KCNQ1: variants seen among roughly 807,000 people sequenced by gnomAD.
KCNQ1 encodes potassium voltage-gated channel subfamily Q member 1, also known as potassium voltage-gated channel subfamily KQT member 1.
Under a neutral mutation model 72.4 loss-of-function variants are expected in KCNQ1, and 49 were observed. The observed-to-expected ratio is 0.68, with a 90% CI of 0.54 to 0.86. The LOEUF is 0.86. Among genes scored for constraint, KCNQ1 ranks in the 40% least tolerant of loss-of-function variants. The pLI is 0.00. For missense variants in KCNQ1, 790 were observed against 945.1 expected (o/e 0.84, Z 2.15); for synonymous variants, 450 against 412.6 (o/e 1.09, Z -1.10).
At chr11:2,798,893 G>C (rs768799819) in intron 15 of KCNQ1, among the ~76,000 whole-genome samples, 155 of 152,320 alleles carry the variant, frequency 1.0e-3, no homozygotes, top group Non-Finnish European at 1.7e-3. Flanking sequence ...GACAGGGGAA[G>C]GGGCTGGAGG....
At position 2,703,493 on chromosome 11, in the gene KCNQ1, G is replaced by GCACGCACA. The variant is rs1422666382; in HGVS notation, c.1514+41420_1514+41427dup. The stretch of plus-strand genomic sequence containing the variant: ...TGCAAGCCTGTGCACCCGAGAGCAC[G>GCACGCACA]CACGCACACACGCACTCACAGCTGA... On this transcript the variant is annotated intron_variant, in intron 11 of 15. Transcript: ENST00000155840. The surrounding 1 kb of genome is among the most constrained non-coding windows in gnomAD (Gnocchi z 6.4). Among the ~76,000 whole-genome samples, 2 of 152,166 alleles carry GCACGCACA rather than the reference G, an allele frequency of 1.3e-5. No individual in the cohort carries two copies. Among genetic ancestry groups the GCACGCACA allele is most frequent in the African/African-American group, 2.4e-5 (1 of 41,434 alleles).
intron 1 of KCNQ1, among the ~76,000 whole-genome samples, chr11:2,521,924 C>T (rs1847389158): frequency 6.6e-6 from 1 of 152,250 alleles, no homozygotes; most frequent in African/African-American, 2.4e-5. Flanking sequence ...CTCGCGTTAG[C>T]CCCAGGCCAT....
intron 6 of KCNQ1, among the ~76,000 whole-genome samples, chr11:2,583,162 G>A (rs947000477): frequency 2.0e-5 from 3 of 152,228 alleles, no homozygotes; most frequent in Non-Finnish European, 2.9e-5. Flanking sequence ...CCAGGCCCAC[G>A]TTCCCAGCCA....
At chr11:2,814,348 T>C (rs983519044) in intron 15 of KCNQ1, among the ~76,000 whole-genome samples, 2 of 148,098 alleles carry the variant, frequency 1.4e-5, no homozygotes, top group African/African-American at 2.5e-5. Flanking sequence ...GGTGGAGAGA[T>C]GGATGAATGG....
chr11:2,699,117 G>A (rs1255369376), intron 11 of KCNQ1: 2 of 398,532 alleles, frequency 5.0e-6, no homozygotes, highest in East Asian at 3.6e-5. Context: ...TCAGAACCAC[G>A]ATGCGGATTC....
chr11:2,545,036 C>T lies in KCNQ1; in HGVS notation c.477+17018C>T, dbSNP rs541857846. Among the ~76,000 whole-genome samples the T allele has an allele frequency of 3.3e-5, 5 of 152,342 alleles. No individual in the cohort carries two copies. In the South Asian group the frequency reaches 1.0e-3, roughly 32 times the overall value. The stretch of plus-strand genomic sequence containing the variant: ...AAATTTTGTCAAATGCTCTTTGATA[C>T]ATCTTTTGATATGATCATGTGCTTT... On this transcript the variant is annotated intron_variant, in intron 2 of 15. Transcript: ENST00000155840.
chr11:2,511,622 G>C (rs190502089), intron 1 of KCNQ1, among the ~76,000 whole-genome samples: 1 of 152,182 alleles, frequency 6.6e-6, no homozygotes, highest in Non-Finnish European at 1.5e-5. Context: ...TGAGGATACC[G>C]AGACAGAAAT....
chr11:2,814,384 G>A (rs527284987), intron 15 of KCNQ1, among the ~76,000 whole-genome samples: 1 of 151,480 alleles, frequency 6.6e-6, no homozygotes, highest in Admixed American at 6.6e-5. Context: ...GATAAATGGA[G>A]GGAAGGAGAG....
chr11:2,733,334 C>T (rs1471414281), intron 11 of KCNQ1, among the ~76,000 whole-genome samples: 1 of 151,944 alleles, frequency 6.6e-6, no homozygotes, highest in East Asian at 1.9e-4. Flanking sequence ...CAGGGGCTCC[C>T]CACACTCGCC....
At chr11:2,806,114 G>T (rs1847367135) in intron 15 of KCNQ1, among the ~76,000 whole-genome samples, 1 of 152,226 alleles carries the variant, frequency 6.6e-6, no homozygotes, top group Admixed American at 6.5e-5. Context: ...AGTTTCTGGG[G>T]TGGGAGGTGG....
rs1279748776 is a variant in KCNQ1, at chr11:2,712,721, C to T, written c.1514+50640C>T. ...GACACTCCAGCCTCAGCCTTCCTTG[C>T]CATCCGCAACCACACCAGTGGCTGG... On this transcript the variant is annotated intron_variant, in intron 11 of 15. Coordinates refer to ENST00000155840, the MANE Select transcript of KCNQ1 (RefSeq NM_000218.3). The surrounding 1 kb of genome is among the most constrained non-coding windows in gnomAD (Gnocchi z 6.4). Among the ~76,000 whole-genome samples the T allele has an allele frequency of 6.6e-6, 1 of 152,220 alleles. No individual in the cohort carries two copies.
intron 11 of KCNQ1, chr11:2,694,775 C>T (rs1332934676): frequency 7.5e-6 from 3 of 398,238 alleles, no homozygotes; most frequent in Admixed American, 4.4e-5. Flanking sequence ...GTAGCCTGTG[C>T]TTTGCAGAGA....
In KCNQ1 at chr11:2,624,820, T is replaced by G; in HGVS notation, c.1393+35966T>G. On this transcript the variant is annotated intron_variant, in intron 10 of 15. Transcript: ENST00000155840. This position sits in a 1 kb window ranked among gnomAD's most constrained non-coding sequence, Gnocchi z 4.9. Reference sequence around the variant, plus strand: ...ATTTGACTATTCTACATACCTCATATAAGTGGAAACATACAGTACTTCTCT... The same window carrying G: ...ATTTGACTATTCTACATACCTCATAGAAGTGGAAACATACAGTACTTCTCT... 2.5e-6 allele frequency: 1 copy of G among 398,600 alleles called. No homozygotes were observed. The highest frequency in any genetic ancestry group is 4.4e-6 in the Non-Finnish European group (1 of 226,046). 24.7% of individuals were successfully genotyped at this position (398,600 alleles called of 1,614,324 possible).
At position 2,626,672 on chromosome 11, in the gene KCNQ1, G is replaced by C. The variant is rs1378248260; in HGVS notation, c.1394-35289G>C. Reference sequence around the variant, plus strand: ...GCTTCTTGAGTAGCTGGGAATAGAAGTGTGTACCATTACACCTGGCCAATT... The same window carrying C: ...GCTTCTTGAGTAGCTGGGAATAGAACTGTGTACCATTACACCTGGCCAATT... On this transcript the variant is annotated intron_variant, in intron 10 of 15. Transcript: ENST00000155840. This position sits in a 1 kb window ranked among gnomAD's most constrained non-coding sequence, Gnocchi z 4.0. 1.0e-5 allele frequency: 4 copies of C among 398,536 alleles called. No homozygotes were observed. The highest frequency in any genetic ancestry group is 1.8e-5 in the Non-Finnish European group (4 of 226,088). 24.7% of individuals were successfully genotyped at this position (398,536 alleles called of 1,614,324 possible).
intron 15 of KCNQ1, among the ~76,000 whole-genome samples, chr11:2,822,654 G>A (rs1000192496): frequency 6.6e-6 from 1 of 152,206 alleles, no homozygotes; most frequent in Admixed American, 6.5e-5. Flanking sequence ...AGGCAGGAAG[G>A]AATAGGCCTG....
intron 10 of KCNQ1, chr11:2,629,329 A>G (rs990719473): frequency 1.0e-5 from 4 of 398,242 alleles, no homozygotes; most frequent in Non-Finnish European, 1.8e-5. Flanking sequence ...GTATGCCTAA[A>G]TGTTATGCAG....
At position 2,645,938 on chromosome 11, in the gene KCNQ1, C is replaced by G. The variant is rs1590002333; in HGVS notation, c.1394-16023C>G. The G allele has an allele frequency of 7.5e-6, 3 of 398,592 alleles. No individual in the cohort carries two copies. In the South Asian group the frequency reaches 3.8e-4, roughly 51 times the overall value. 24.7% of individuals were successfully genotyped at this position (398,592 alleles called of 1,614,324 possible). On this transcript the variant is annotated intron_variant, in intron 10 of 15. Coordinates refer to ENST00000155840, the MANE Select transcript of KCNQ1 (RefSeq NM_000218.3). This position sits in a 1 kb window ranked among gnomAD's most constrained non-coding sequence, Gnocchi z 5.8. ...AGTCTGTAGGTAGCCTCTTGTTAGT[C>G]TCAAGGCATCTATGGGTCAGGGGGT... is the stretch of plus-strand genomic sequence containing the variant.
rs1226874737 is a variant in KCNQ1 at position 2,566,291 on chromosome 11, T to C, written c.478-4337T>C. ...CAGAACCACCACCATGCCCAGGTCATGTCTGTGCATGAGAGTGGTCAGCCC... is the reference window on the plus strand; with the variant it reads ...CAGAACCACCACCATGCCCAGGTCACGTCTGTGCATGAGAGTGGTCAGCCC... On this transcript the variant is annotated intron_variant, in intron 2 of 15. Coordinates refer to ENST00000155840, the MANE Select transcript of KCNQ1 (RefSeq NM_000218.3). This position sits in a 1 kb window ranked among gnomAD's most constrained non-coding sequence, Gnocchi z 6.7. Among the ~76,000 whole-genome samples the C allele has an allele frequency of 6.6e-6, 1 of 152,194 alleles. No individual in the cohort carries two copies. The highest frequency in any genetic ancestry group is 1.5e-5 in the Non-Finnish European group (1 of 68,028).
At position 2,830,626 on chromosome 11, in the gene KCNQ1, G is replaced by A. The variant is rs1847929660; in HGVS notation, c.1795-17141G>A. Among the ~76,000 whole-genome samples, 1 of 152,110 alleles carries A rather than the reference G, an allele frequency of 6.6e-6. No individual in the cohort carries two copies. ...TCAGCCTGGGCCAGGCAGGCTGGGG[G>A]CCAGCCCAGGACCTCCTTCCTGGGT... On this transcript the variant is annotated intron_variant, in intron 15 of 15. Coordinates refer to ENST00000155840, the MANE Select transcript of KCNQ1 (RefSeq NM_000218.3). This position sits in a 1 kb window ranked among gnomAD's most constrained non-coding sequence, Gnocchi z 7.7.
Sources: allele counts gnomAD v4.1 joint callset (sites outside exome capture counted in the v4.1 genomes callset), GRCh38; gene constraint gnomAD v4.1.1; non-coding constraint Gnocchi (gnomAD v3.1); transcripts MANE v1.5; gene names NCBI Gene and HGNC (gene_info 2026-07-23, HGNC 2026-07-21).